KIAA1549L: variants seen among roughly 807,000 people sequenced by gnomAD.
KIAA1549L encodes the protein KIAA1549 like, also known as UPF0606 protein KIAA1549L.
Under a neutral mutation model 160.7 loss-of-function variants are expected in KIAA1549L, and 88 were observed. That is an observed-to-expected ratio of 0.55 (90% CI 0.46 to 0.65). The LOEUF is 0.65. Ranked by LOEUF, KIAA1549L falls within the 30% of genes least tolerant of loss-of-function variation. KIAA1549L has a pLI of 0.00. For synonymous variants in KIAA1549L, 950 were observed against 976.7 expected, an observed-to-expected ratio of 0.97 and a Z score of 0.51; for missense variants, 2,258 against 2,437.5, an observed-to-expected ratio of 0.93 and a Z score of 1.55.
At chr11:33,457,639 T>A (rs764183833) in intron 1 of KIAA1549L, among the ~76,000 whole-genome samples, 21 of 152,228 alleles carry the variant, frequency 1.4e-4, no homozygotes, top group Non-Finnish European at 2.5e-4. Flanking sequence ...GAATCTATGC[T>A]CATCCTGGTG....
intron 18 of KIAA1549L, among the ~76,000 whole-genome samples, chr11:33,657,616 G>A (rs1852110726): frequency 2.0e-5 from 3 of 152,110 alleles, no homozygotes; most frequent in South Asian, 4.1e-4. Flanking sequence ...GGACAATATG[G>A]TGAAACCCCG....
intron 16 of KIAA1549L, among the ~76,000 whole-genome samples, chr11:33,640,021 C>T (rs1318041018): frequency 6.6e-6 from 1 of 152,064 alleles, no homozygotes; most frequent in African/African-American, 2.4e-5. Context: ...TACTTACTTA[C>T]AATATTGTTG....
At chr11:33,427,013 A>G (rs917668556) in intron 1 of KIAA1549L, among the ~76,000 whole-genome samples, 3 of 152,146 alleles carry the variant, frequency 2.0e-5, no homozygotes, top group African/African-American at 7.2e-5. Flanking sequence ...AAACTTAGGG[A>G]TAAATATTAA....
At chr11:33,438,427 G>A (rs1169595213) in intron 1 of KIAA1549L, among the ~76,000 whole-genome samples, 1 of 152,198 alleles carries the variant, frequency 6.6e-6, no homozygotes, top group Non-Finnish European at 1.5e-5. Flanking sequence ...GAACTGCCTC[G>A]AAAGAATCTG....
intron 1 of KIAA1549L, among the ~76,000 whole-genome samples, chr11:33,519,749 C>T (rs1011053274): frequency 1.3e-4 from 20 of 152,150 alleles, no homozygotes; most frequent in African/African-American, 4.6e-4. Context: ...TTTAAAAAGT[C>T]TTCATTTAGG....
Position 33,384,944 on chromosome 11 carries a change from G to T in KIAA1549L, c.238+8055G>T, listed in dbSNP as rs1011780489. Among the ~76,000 whole-genome samples the T allele has an allele frequency of 9.1e-3, 1,124 of 123,656 alleles. 14 individuals carry two copies. The highest frequency in any genetic ancestry group is 0.012 in the Non-Finnish European group (701 of 58,648). The allele number at this position is 123,656 out of a possible 152,430, so 81.1% of individuals were successfully genotyped here. A position where few individuals can be genotyped will look rare whatever the true frequency, so the allele number is the denominator to read the frequency against. ...ATTAACAGCGTTTTTTTTGTTTTTT[G>T]TTTTTTTTTTTTAAAAGGAGAGAAG... On this transcript the variant is annotated intron_variant, in intron 1 of 20. Transcript: ENST00000658780.
rs201551936 is a variant in KIAA1549L at position 33,440,120 on chromosome 11, C to CTTTTTTTTTTTTTTTTTTTTT, written c.238+63238_238+63258dup. ...GGTTATTTCCTCACCTATTTTGTTT[C>CTTTTTTTTTTTTTTTTTTTTT]TTTTTTTTTTTTTTTTTTTTTTTTT... On this transcript the variant is annotated intron_variant, in intron 1 of 20. Coordinates refer to ENST00000658780, the MANE Select transcript of KIAA1549L (RefSeq NM_012194.3). 3.5e-4 allele frequency among the ~76,000 whole-genome samples: 29 copies of CTTTTTTTTTTTTTTTTTTTTT among 83,420 alleles called. 2 individuals carry two copies. Among genetic ancestry groups the CTTTTTTTTTTTTTTTTTTTTT allele is most frequent in the South Asian group, 9.4e-4 (2 of 2,120 alleles). 54.7% of individuals were successfully genotyped at this position (83,420 alleles called of 152,430 possible).
At chr11:33,382,625 G>GT (rs1430551903) in intron 1 of KIAA1549L, among the ~76,000 whole-genome samples, 1 of 152,060 alleles carries the variant, frequency 6.6e-6, no homozygotes, top group Non-Finnish European at 1.5e-5. Flanking sequence ...TTGATTTGGT[G>GT]TTTTTCCCCC....
At chr11:33,388,328 AT>A (rs1219496440) in intron 1 of KIAA1549L, among the ~76,000 whole-genome samples, 1 of 152,120 alleles carries the variant, frequency 6.6e-6, no homozygotes, top group Non-Finnish European at 1.5e-5. Context: ...AGAACTCACT[AT>A]CAGAAGAATA....
intron 7 of KIAA1549L, among the ~76,000 whole-genome samples, chr11:33,561,041 C>G (rs1048277445): frequency 2.6e-5 from 4 of 152,172 alleles, no homozygotes; most frequent in African/African-American, 9.7e-5. Context: ...AGGCAATGTA[C>G]AAATCCCTTT....
chr11:33,492,864 T>A (rs1396267577), intron 1 of KIAA1549L, among the ~76,000 whole-genome samples: 1 of 149,584 alleles, frequency 6.7e-6, no homozygotes, highest in Non-Finnish European at 1.5e-5. Flanking sequence ...TTGGAGGAAC[T>A]TTTTTTTCTG....
chr11:33,413,571 G>A (rs908918102), intron 1 of KIAA1549L, among the ~76,000 whole-genome samples: 1 of 151,894 alleles, frequency 6.6e-6, no homozygotes, highest in Non-Finnish European at 1.5e-5. Flanking sequence ...GGATTGTTAT[G>A]CTACCACGAT....
At chr11:33,556,049 C>T (rs901901867) in intron 6 of KIAA1549L, among the ~76,000 whole-genome samples, 1 of 152,146 alleles carries the variant, frequency 6.6e-6, no homozygotes, top group South Asian at 2.1e-4. Flanking sequence ...ATGACTTAAG[C>T]ACATGACAAG....
chr11:33,576,997 A>T (rs1855472324), intron 10 of KIAA1549L, among the ~76,000 whole-genome samples: 1 of 152,178 alleles, frequency 6.6e-6, no homozygotes, highest in Non-Finnish European at 1.5e-5. Context: ...GTTTAGCTAG[A>T]GAGAAAAGGG....
intron 1 of KIAA1549L, among the ~76,000 whole-genome samples, chr11:33,414,641 C>A (rs1371359258): frequency 6.6e-6 from 1 of 152,154 alleles, no homozygotes; most frequent in East Asian, 1.9e-4. Flanking sequence ...CACACCCTTG[C>A]AATGTTGGGT....
chr11:33,562,644 TC>T (rs1278980554), intron 8 of KIAA1549L, among the ~76,000 whole-genome samples: 2 of 151,110 alleles, frequency 1.3e-5, no homozygotes, highest in Non-Finnish European at 2.9e-5. Flanking sequence ...GAATTAGGGC[TC>T]CCCAGTATGA....
intron 7 of KIAA1549L, 26 bp from the exon 8 acceptor site, chr11:33,561,649 AT>A (rs1253961039): frequency 6.5e-7 from 1 of 1,534,012 alleles, no homozygotes; most frequent in Admixed American, 1.7e-5. Context: ...TATAAAAGTA[AT>A]TGGGTATGTT....
intron 1 of KIAA1549L, among the ~76,000 whole-genome samples, chr11:33,403,763 C>T (rs1009186106): frequency 6.6e-6 from 1 of 152,154 alleles, no homozygotes; most frequent in South Asian, 2.1e-4. Flanking sequence ...CCAAGTTGCT[C>T]ATGACCCACT....
intron 1 of KIAA1549L, among the ~76,000 whole-genome samples, chr11:33,435,798 A>ATATATG (rs1565135872): frequency 1.3e-4 from 1 of 7,626 alleles, no homozygotes; most frequent in African/African-American, 8.1e-4. Flanking sequence ...ATATATATAT[A>ATATATG]TATATATATA....
Sources: allele counts gnomAD v4.1 joint callset (sites outside exome capture counted in the v4.1 genomes callset), GRCh38; gene constraint gnomAD v4.1.1; transcripts MANE v1.5; gene names NCBI Gene and HGNC (gene_info 2026-07-23, HGNC 2026-07-21).